The following ERI3 variants were observed in gnomAD, a reference collection of about 807,000 sequenced individuals.
ERI3 encodes ERI1 exoribonuclease family member 3.
ERI3 carries 18 observed loss-of-function variants against 44.4 expected under a neutral mutation model. The observed-to-expected ratio is 0.41, with a 90% CI of 0.28 to 0.60. ERI3 has a LOEUF of 0.60. Ranked by LOEUF, ERI3 falls within the 20% of genes least tolerant of loss-of-function variation. The probability of loss-of-function intolerance (pLI) is 0.36; values close to 1 mark genes in which losing one functional copy is unlikely to be tolerated. For synonymous variants in ERI3, 183 were observed against 164.8 expected, an observed-to-expected ratio of 1.11 and a Z score of -0.84; for missense variants, 294 against 435.5, an observed-to-expected ratio of 0.68 and a Z score of 2.89.
chr1:44,322,551 C>T (rs1646225186), intron 3 of ERI3, among the ~76,000 whole-genome samples: 1 of 152,198 alleles, frequency 6.6e-6, no homozygotes. Flanking sequence ...AAGCACCAGT[C>T]TCAAAACGTG....
intron 7 of ERI3, among the ~76,000 whole-genome samples, chr1:44,260,778 C>T (rs553473483): frequency 1.3e-5 from 2 of 150,474 alleles, no homozygotes; most frequent in South Asian, 4.3e-4. Flanking sequence ...ATTTCTGCCC[C>T]ACATGTTTGC....
intron 4 of ERI3, among the ~76,000 whole-genome samples, chr1:44,314,711 G>A (rs1037401365): frequency 1.3e-5 from 2 of 152,136 alleles, no homozygotes; most frequent in Non-Finnish European, 2.9e-5. Flanking sequence ...CAATAATCTT[G>A]GAGTACAAAG....
At chr1:44,238,944 C>T (rs1435727009) in intron 8 of ERI3, among the ~76,000 whole-genome samples, 2 of 152,110 alleles carry the variant, frequency 1.3e-5, no homozygotes, top group Non-Finnish European at 2.9e-5. Flanking sequence ...ACAATTACAA[C>T]GCGGGGATGA....
Position 44,221,398 on chromosome 1 carries a change from G to A in ERI3, c.*160C>T. ...GGGCCAAGTGGCCAAGCCCTTGCAA[G>A]GGCACAAGCCCACGCCAAGGGCATG... On this transcript the variant is annotated 3_prime_UTR_variant, in exon 9 of 9. Transcript: ENST00000372257. This position sits in a 1 kb window ranked among gnomAD's most constrained non-coding sequence, Gnocchi z 5.9. 1 of 625,718 alleles carries A rather than the reference G, an allele frequency of 1.6e-6. No homozygotes were observed. Among genetic ancestry groups the A allele is most frequent in the Non-Finnish European group, 2.8e-6 (1 of 359,172 alleles). The allele number at this position is 625,718 out of a possible 1,614,324, so 38.8% of individuals were successfully genotyped here.
intron 8 of ERI3, among the ~76,000 whole-genome samples, chr1:44,229,871 G>C (rs1208940197): frequency 6.6e-6 from 1 of 152,152 alleles, no homozygotes; most frequent in Non-Finnish European, 1.5e-5. Flanking sequence ...GGAAGGAGGA[G>C]ACTGAGGCAG....
At position 44,221,985 on chromosome 1, in the gene ERI3, G is replaced by T. The variant is rs1372825716; in HGVS notation, c.932-345C>A. The stretch of plus-strand genomic sequence containing the variant: ...TCCCTTGACGGCCCCCGGCCGCTGG[G>T]CGATCCTTCTTGTTGCTGCCGCGTG... On this transcript the variant is annotated intron_variant, in intron 8 of 8. Coordinates refer to ENST00000372257, the MANE Select transcript of ERI3 (RefSeq NM_024066.3). This position sits in a 1 kb window ranked among gnomAD's most constrained non-coding sequence, Gnocchi z 5.9. Among the ~76,000 whole-genome samples the T allele has an allele frequency of 6.6e-6, 1 of 152,252 alleles. No homozygotes were observed. The highest frequency in any genetic ancestry group is 2.4e-5 in the African/African-American group (1 of 41,468).
intron 3 of ERI3, among the ~76,000 whole-genome samples, chr1:44,322,089 G>C (rs1481116941): frequency 6.6e-6 from 1 of 152,008 alleles, no homozygotes; most frequent in African/African-American, 2.4e-5. Context: ...CACATGGTTT[G>C]TTTTAGATAT....
intron 5 of ERI3, among the ~76,000 whole-genome samples, chr1:44,311,339 C>G (rs182598659): frequency 7.4e-4 from 113 of 152,210 alleles, no homozygotes; most frequent in Non-Finnish European, 1.2e-3. Flanking sequence ...TACCATGAGT[C>G]AGGTAAACAT....
At chr1:44,233,189 G>A (rs940979835) in intron 8 of ERI3, among the ~76,000 whole-genome samples, 1 of 152,132 alleles carries the variant, frequency 6.6e-6, no homozygotes, top group Non-Finnish European at 1.5e-5. Flanking sequence ...TTCCTGATCA[G>A]TGTGCACTCT....
chr1:44,319,397 G>C (rs1186845532), intron 4 of ERI3, among the ~76,000 whole-genome samples: 1 of 152,250 alleles, frequency 6.6e-6, no homozygotes, highest in African/African-American at 2.4e-5. Flanking sequence ...CACCAGGAAG[G>C]GATGCTGGGG....
chr1:44,221,411 C>T lies in ERI3; in HGVS notation c.*147G>A, dbSNP rs952901651. ...AAGCCCTTGCAAGGGCACAAGCCCA[C>T]GCCAAGGGCATGAGCCCACAGGGCA... On this transcript the variant is annotated 3_prime_UTR_variant, in exon 9 of 9. Coordinates refer to ENST00000372257, the MANE Select transcript of ERI3 (RefSeq NM_024066.3). This position sits in a 1 kb window ranked among gnomAD's most constrained non-coding sequence, Gnocchi z 5.9. 24 of 674,484 alleles carry T rather than the reference C, an allele frequency of 3.6e-5. No homozygotes were observed. Among genetic ancestry groups the T allele is most frequent in the South Asian group, 5.6e-5 (3 of 53,100 alleles). The allele number at this position is 674,484 out of a possible 1,614,324, so 41.8% of individuals were successfully genotyped here.
rs372090718 is a variant in ERI3, at chr1:44,339,340, TAAAAAA to T, written c.212-24_212-19del. On this transcript the variant is annotated intron_variant, in intron 2 of 8. Transcript: ENST00000372257. Reference sequence around the variant, plus strand: ...ATCTAAAACTTAGGGGAGGAAAGTTTAAAAAAAAAAAAAAAAAAGAAAAGAAAGAAA... The same window carrying T: ...ATCTAAAACTTAGGGGAGGAAAGTTTAAAAAAAAAAAAGAAAAGAAAGAAA... The T allele has an allele frequency of 2.0e-5, 20 of 976,750 alleles. No homozygotes were observed. Among genetic ancestry groups the T allele is most frequent in the African/African-American group, 7.8e-5 (3 of 38,332 alleles). 60.5% of individuals were successfully genotyped at this position (976,750 alleles called of 1,614,324 possible).
intron 8 of ERI3, among the ~76,000 whole-genome samples, chr1:44,237,369 C>G (rs1406705371): frequency 6.6e-6 from 1 of 152,168 alleles, no homozygotes; most frequent in Non-Finnish European, 1.5e-5. Context: ...GATCTCTTTC[C>G]CAGACACTTC....
chr1:44,230,860 C>T (rs1644166349), intron 8 of ERI3, among the ~76,000 whole-genome samples: 1 of 152,338 alleles, frequency 6.6e-6, no homozygotes, highest in East Asian at 1.9e-4. Context: ...ACACAGTCAA[C>T]CTTTTAAATA....
intron 3 of ERI3, among the ~76,000 whole-genome samples, chr1:44,323,458 C>T (rs1350443901): frequency 2.0e-5 from 3 of 152,162 alleles, no homozygotes; most frequent in African/African-American, 7.2e-5. Flanking sequence ...ATCATCATCA[C>T]CATCACCATC....
rs1644114206 is a variant in ERI3 at position 44,228,998 on chromosome 1, A to G, written c.932-7358T>C. Among the ~76,000 whole-genome samples, 1 of 152,210 alleles carries G rather than the reference A, an allele frequency of 6.6e-6. No homozygotes were observed. The highest frequency in any genetic ancestry group is 1.5e-5 in the Non-Finnish European group (1 of 68,034). On this transcript the variant is annotated intron_variant, in intron 8 of 8. Transcript: ENST00000372257. The surrounding 1 kb of genome is among the most constrained non-coding windows in gnomAD (Gnocchi z 4.3). ...GGCAGCCAGGGAGGTCCACAAGAGG[A>G]GGTGGAGGGTGAATCCCACCTGCTG... is the stretch of plus-strand genomic sequence containing the variant.
At chr1:44,306,952 A>T (rs1461535814) in intron 6 of ERI3, among the ~76,000 whole-genome samples, 1 of 152,150 alleles carries the variant, frequency 6.6e-6, no homozygotes, top group Non-Finnish European at 1.5e-5. Flanking sequence ...CACTTTAAGG[A>T]CTCAAAGCTG....
At chr1:44,326,099 T>C (rs1157620271) in intron 3 of ERI3, among the ~76,000 whole-genome samples, 1 of 152,246 alleles carries the variant, frequency 6.6e-6, no homozygotes, top group Non-Finnish European at 1.5e-5. Flanking sequence ...AAGAAGGAAC[T>C]GGCTTTCCTT....
At chr1:44,350,676 T>C (rs1042918703) in intron 2 of ERI3, among the ~76,000 whole-genome samples, 3 of 152,246 alleles carry the variant, frequency 2.0e-5, no homozygotes, top group Admixed American at 6.5e-5. Flanking sequence ...GGGTAGGAAG[T>C]TAGTAAAGAG....
Sources: allele counts gnomAD v4.1 joint callset (sites outside exome capture counted in the v4.1 genomes callset), GRCh38; gene constraint gnomAD v4.1.1; non-coding constraint Gnocchi (gnomAD v3.1); transcripts MANE v1.5; gene names NCBI Gene and HGNC (gene_info 2026-07-23, HGNC 2026-07-21).